ESRRG: variants seen among roughly 807,000 people sequenced by gnomAD.
ESRRG encodes estrogen related receptor gamma.
A neutral mutation model predicts 44.0 loss-of-function variants in ESRRG; 13 were observed. That is an observed-to-expected ratio of 0.30 (90% CI 0.19 to 0.47). ESRRG has a LOEUF of 0.47. Among genes scored for constraint, ESRRG ranks in the 20% least tolerant of loss-of-function variants. The pLI, the probability that ESRRG is intolerant of heterozygous loss-of-function variation, is 1.00. For missense variants in ESRRG, 395 were observed against 580.6 expected (o/e 0.68, Z 3.29); for synonymous variants, 215 against 214.6 (o/e 1.00, Z -0.02).
chr1:216,958,820 T>C (rs1315891716), intron 1 of ESRRG, among the ~76,000 whole-genome samples: 1 of 152,116 alleles, frequency 6.6e-6, no homozygotes, highest in Non-Finnish European at 1.5e-5. Flanking sequence ...GAGCAACCAA[T>C]CACCAGACCT....
intron 2 of ESRRG, among the ~76,000 whole-genome samples, chr1:216,819,838 A>G (rs2095248559): frequency 6.6e-6 from 1 of 152,220 alleles, no homozygotes; most frequent in Admixed American, 6.5e-5. Context: ...TTTCCCACCT[A>G]AAACACTGAC....
chr1:217,115,800 C>T lies in ESRRG; in HGVS notation c.-230+21867G>A, dbSNP rs1041840208. On this transcript the variant is annotated intron_variant, in intron 1 of 8. Transcript: ENST00000366940. The stretch of plus-strand genomic sequence containing the variant: ...GATATATGAAACAGTTTCTTCTTGT[C>T]GATCTACCTACTCATATTGCTCACT... Among the ~76,000 whole-genome samples the T allele has an allele frequency of 3.3e-5, 5 of 152,054 alleles. No homozygotes were observed. The East Asian group carries it at 7.7e-4, about 23-fold the overall frequency.
intron 2 of ESRRG, among the ~76,000 whole-genome samples, chr1:216,809,053 C>G (rs1359774224): frequency 6.6e-6 from 1 of 152,074 alleles, no homozygotes; most frequent in Non-Finnish European, 1.5e-5. Context: ...TACTTTCGTA[C>G]AGGGTGCTAC....
intron 1 of ESRRG, among the ~76,000 whole-genome samples, chr1:216,973,826 C>CA (rs76576502): frequency 0.25 from 29,552 of 116,196 alleles, 3,356 homozygotes; most frequent in Admixed American, 0.32. Context: ...AACTCTGTCT[C>CA]AAAAAAAAAA....
chr1:217,106,373 TATTCACAC>T (rs1334995043), intron 1 of ESRRG, among the ~76,000 whole-genome samples: 2 of 147,468 alleles, frequency 1.4e-5, no homozygotes, highest in African/African-American at 5.2e-5. Context: ...CACATACATC[TATTCACAC>T]ACTCACATAT....
intron 1 of ESRRG, among the ~76,000 whole-genome samples, chr1:217,081,780 G>A (rs1432909756): frequency 1.3e-5 from 2 of 152,022 alleles, no homozygotes; most frequent in Non-Finnish European, 2.9e-5. Flanking sequence ...TGTACCCTGG[G>A]CATATTTTAA....
At chr1:217,100,753 C>T (rs2092498779) in intron 1 of ESRRG, among the ~76,000 whole-genome samples, 1 of 152,090 alleles carries the variant, frequency 6.6e-6, no homozygotes, top group Admixed American at 6.5e-5. Context: ...GTAAGAGGTG[C>T]CACTCTCTTT....
intron 6 of ESRRG, among the ~76,000 whole-genome samples, chr1:216,514,273 T>C (rs765348732): frequency 1.8e-4 from 27 of 152,118 alleles, no homozygotes; most frequent in Non-Finnish European, 5.9e-5. Flanking sequence ...AATAATCCAG[T>C]AAAGGCAGCC....
intron 3 of ESRRG, among the ~76,000 whole-genome samples, chr1:216,647,956 G>C (rs2068003550): frequency 6.6e-6 from 1 of 152,162 alleles, no homozygotes; most frequent in South Asian, 2.1e-4. Context: ...TCAATTTCCA[G>C]ACCTGCTGTG....
At chr1:216,595,033 C>A (rs1355707457) in intron 3 of ESRRG, among the ~76,000 whole-genome samples, 1 of 152,104 alleles carries the variant, frequency 6.6e-6, no homozygotes, top group African/African-American at 2.4e-5. Context: ...TCTATAAACT[C>A]CCCAAGGAAA....
chr1:216,753,182 A>ACAC (rs1246579236), intron 2 of ESRRG, among the ~76,000 whole-genome samples: 1 of 152,024 alleles, frequency 6.6e-6, no homozygotes, highest in African/African-American at 2.4e-5. Context: ...TGATACACAC[A>ACAC]CACACACACA....
intron 2 of ESRRG, among the ~76,000 whole-genome samples, chr1:216,921,731 A>G (rs1334968491): frequency 6.6e-6 from 1 of 152,176 alleles, no homozygotes. Flanking sequence ...TTTTTAAAAT[A>G]TATTGCATTT....
chr1:216,688,374 C>T (rs1013808443), intron 1 of ESRRG, among the ~76,000 whole-genome samples: 3 of 152,182 alleles, frequency 2.0e-5, no homozygotes, highest in Non-Finnish European at 2.9e-5. Flanking sequence ...AAGCTGCTGT[C>T]GCTTCCATTC....
upstream of ESRRG, among the ~76,000 whole-genome samples, chr1:216,727,749 C>T (rs1475958508): frequency 6.6e-6 from 1 of 152,022 alleles, no homozygotes; most frequent in East Asian, 1.9e-4. Context: ...AATAAAAACC[C>T]TTCCTTTTGA....
intron 2 of ESRRG, among the ~76,000 whole-genome samples, chr1:216,871,724 T>TA (rs1306771267): frequency 6.6e-6 from 1 of 152,092 alleles, no homozygotes; most frequent in East Asian, 1.9e-4. Context: ...TATCATCCTA[T>TA]AGTCCCCTTT....
chr1:216,615,916 C>A (rs1478503840), intron 3 of ESRRG, among the ~76,000 whole-genome samples: 1 of 152,002 alleles, frequency 6.6e-6, no homozygotes, highest in African/African-American at 2.4e-5. Flanking sequence ...AGACTCCCGA[C>A]CTCAGGAGAT....
Position 216,950,677 on chromosome 1 carries a change from C to T in ESRRG, c.-105-11004G>A, listed in dbSNP as rs538461144. Among the ~76,000 whole-genome samples, 21 of 152,156 alleles carry T rather than the reference C, an allele frequency of 1.4e-4. No individual in the cohort carries two copies. In the Middle Eastern group the frequency reaches 0.014, roughly 99 times the overall value. On this transcript the variant is annotated intron_variant, in intron 1 of 7. Coordinates refer to the ESRRG transcript ENST00000359162. ...CTCAATTCCTGATTTGCTGACTGTC[C>T]TATATTTTATTTGTCTATTATTATA...
At chr1:216,695,313 A>AACAC (rs376605746) in intron 1 of ESRRG, among the ~76,000 whole-genome samples, 2 of 150,256 alleles carry the variant, frequency 1.3e-5, no homozygotes, top group East Asian at 1.9e-4. Context: ...TGTAGAACTA[A>AACAC]ACACACACAC....
rs181148564 is a variant in ESRRG at position 216,969,388 on chromosome 1, A to T, written c.-105-29715T>A. Among the ~76,000 whole-genome samples, 343 of 152,246 alleles carry T rather than the reference A, an allele frequency of 2.3e-3. 1 individual carries two copies. Among genetic ancestry groups the T allele is most frequent in the Non-Finnish European group, 3.9e-3 (263 of 68,018 alleles). On this transcript the variant is annotated intron_variant, in intron 1 of 7. Transcript: ENST00000359162. ...GTGTTCAAGGAACTTATTTTTGATT[A>T]AGTTTTTCCTCATCCAAATTGAAAA...
Sources: gnomAD v4.1 joint callset for allele counts (sites outside exome capture counted in the v4.1 genomes callset) on GRCh38, gnomAD v4.1.1 for gene constraint, MANE v1.5 for transcripts, NCBI Gene and HGNC (gene_info 2026-07-23, HGNC 2026-07-21) for gene names.